FSHR: variants seen among roughly 807,000 people sequenced by gnomAD.
FSHR encodes the protein follicle stimulating hormone receptor.
A neutral mutation model predicts 52.1 loss-of-function variants in FSHR; 46 were observed. The observed-to-expected ratio is 0.88, with a 90% confidence interval of 0.70 to 1.13. The LOEUF (loss-of-function observed/expected upper bound fraction) is 1.13. Among genes scored for constraint, FSHR ranks in the 50% most tolerant of loss-of-function variants. FSHR has a pLI of 0.00. For missense variants in FSHR, 964 were observed against 834.6 expected (o/e 1.16, Z -1.91); for synonymous variants, 399 against 309.6 (o/e 1.29, Z -3.03).
Position 49,151,853 on chromosome 2 carries a change from C to T in FSHR, c.152+2413G>A, listed in dbSNP as rs145379356. On this transcript the variant is annotated intron_variant, in intron 1 of 9. Coordinates refer to ENST00000406846, the MANE Select transcript of FSHR (RefSeq NM_000145.4). ...AAGGAAGCAAAAATAAAGGTAATTG[C>T]TCTCTCATTCTAACAGTATGTGAGT... Among the ~76,000 whole-genome samples the T allele has an allele frequency of 5.3e-3, 811 of 152,268 alleles. 4 individuals are homozygous for T. Among genetic ancestry groups the T allele is most frequent in the South Asian group, 0.018 (87 of 4,820 alleles).
chr2:49,122,627 G>T (rs544514017), intron 1 of FSHR, among the ~76,000 whole-genome samples: 2 of 152,148 alleles, frequency 1.3e-5, no homozygotes, highest in Admixed American at 6.5e-5. Context: ...TTTCCAATTT[G>T]TCTTGGACAC....
intron 1 of FSHR, among the ~76,000 whole-genome samples, chr2:49,118,246 C>G (rs1215057696): frequency 6.6e-6 from 1 of 152,002 alleles, no homozygotes; most frequent in African/African-American, 2.4e-5. Context: ...AGGAAAGGAG[C>G]AAGGAGGGGG....
At chr2:49,010,831 A>T (rs1335525801) in intron 4 of FSHR, among the ~76,000 whole-genome samples, 2 of 152,010 alleles carry the variant, frequency 1.3e-5, no homozygotes, top group Non-Finnish European at 2.9e-5. Context: ...TGTTTGTAGT[A>T]TTCTCTCATG....
intron 2 of FSHR, among the ~76,000 whole-genome samples, chr2:49,048,184 C>G (rs897778813): frequency 1.3e-5 from 2 of 152,044 alleles, no homozygotes; most frequent in Middle Eastern, 6.8e-3. Context: ...TCGTGGCCAG[C>G]CTGTATAGCT....
At chr2:49,084,634 T>C (rs1204211621) in intron 1 of FSHR, among the ~76,000 whole-genome samples, 1 of 152,140 alleles carries the variant, frequency 6.6e-6, no homozygotes, top group African/African-American at 2.4e-5. Context: ...AAGAATTCAG[T>C]AGACGCAATA....
Position 48,963,405 on chromosome 2 carries a change from C to T in FSHR, c.1416G>A (p.Thr472=), listed in dbSNP as rs576761459. 1.9e-5 allele frequency: 31 copies of T among 1,614,082 alleles called. No individual in the cohort carries two copies. In the South Asian group the frequency reaches 2.5e-4, roughly 13 times the overall value. The change falls in exon 10 of 10, where the codon ACG becomes ACA. Residue 472 remains threonine, a synonymous_variant. Transcript: ENST00000406846. ...AITLERWHTI[T]HAMQLDCKVQ... is the part of the protein sequence containing the mutation. ...CCTTGCAGTCCAGCTGCATGGCATG[C>T]GTGATGGTATGCCATCTTTCCAAGG...
intron 9 of FSHR, among the ~76,000 whole-genome samples, chr2:48,964,643 C>T (rs1049360515): frequency 6.6e-6 from 1 of 152,110 alleles, no homozygotes; most frequent in African/African-American, 2.4e-5. Context: ...TGAACAGTTT[C>T]CTAGTGAGTG....
chr2:49,056,904 T>A (rs72827300), intron 2 of FSHR, among the ~76,000 whole-genome samples: 10,583 of 152,074 alleles, frequency 0.07, 525 homozygotes, highest in Non-Finnish European at 0.1. Flanking sequence ...AACAGCACAT[T>A]TCTGAATAAT....
Position 48,983,118 on chromosome 2 carries a change from A to G in FSHR, c.573T>C (p.Asn191=), listed in dbSNP as rs748177242. ...CTTACAGCTCATCTAGTTGGGTTCCATTGAATGCACAGTTGTGTATTTCTT... is the reference window on the plus strand; with the variant it reads ...CTTACAGCTCATCTAGTTGGGTTCCGTTGAATGCACAGTTGTGTATTTCTT... ...GIQEIHNCAF[N]GTQLDELNLS... Residue 191 remains asparagine, a synonymous_variant, in exon 7 of 10, where the codon AAT becomes AAC. Transcript: ENST00000406846. 7.4e-6 allele frequency: 12 copies of G among 1,614,034 alleles called. No homozygotes were observed. The Admixed American group carries it at 1.2e-4, about 16-fold the overall frequency.
chr2:49,119,032 G>T (rs1271602315), intron 1 of FSHR, among the ~76,000 whole-genome samples: 1 of 152,176 alleles, frequency 6.6e-6, no homozygotes, highest in Non-Finnish European at 1.5e-5. Flanking sequence ...ACACCAACAG[G>T]ATCCAGGTCC....
At chr2:49,053,167 G>C (rs772079248) in intron 2 of FSHR, among the ~76,000 whole-genome samples, 2 of 152,066 alleles carry the variant, frequency 1.3e-5, no homozygotes, top group African/African-American at 2.4e-5. Context: ...TGAATTTTAT[G>C]TGGTTCATAT....
chr2:49,120,274 C>CA (rs905867195), intron 1 of FSHR, among the ~76,000 whole-genome samples: 33 of 151,292 alleles, frequency 2.2e-4, no homozygotes, highest in African/African-American at 7.5e-4. Context: ...CCATCTCAGA[C>CA]AAAAAAACAA....
At chr2:49,049,711 C>T (rs570122392) in intron 2 of FSHR, among the ~76,000 whole-genome samples, 11 of 151,990 alleles carry the variant, frequency 7.2e-5, no homozygotes, top group South Asian at 2.1e-4. Context: ...ATGGATAAAG[C>T]GTAAGTGACT....
intron 2 of FSHR, among the ~76,000 whole-genome samples, chr2:49,062,380 G>T (rs1288219886): frequency 6.6e-6 from 1 of 152,094 alleles, no homozygotes; most frequent in Non-Finnish European, 1.5e-5. Flanking sequence ...AAGGAAACTG[G>T]ATATCTATAT....
At chr2:49,089,786 AG>A (rs1410502083) in intron 1 of FSHR, among the ~76,000 whole-genome samples, 1 of 152,328 alleles carries the variant, frequency 6.6e-6, no homozygotes, top group Admixed American at 6.5e-5. Context: ...TCCTGTTAAA[AG>A]GGGTCTTTGC....
chr2:49,027,026 T>A (rs1367728657), intron 2 of FSHR, among the ~76,000 whole-genome samples: 1 of 152,160 alleles, frequency 6.6e-6, no homozygotes, highest in Non-Finnish European at 1.5e-5. Context: ...TCTTTTCCTC[T>A]CCAAACTCTC....
At chr2:49,042,480 G>A (rs1172121510) in intron 2 of FSHR, among the ~76,000 whole-genome samples, 1 of 152,202 alleles carries the variant, frequency 6.6e-6, no homozygotes, top group South Asian at 2.1e-4. Context: ...TTTGACAAAG[G>A]TGGGAGTCAA....
chr2:49,007,280 C>T (rs1667106606), intron 4 of FSHR, among the ~76,000 whole-genome samples: 1 of 152,090 alleles, frequency 6.6e-6, no homozygotes, highest in Non-Finnish European at 1.5e-5. Flanking sequence ...GCCCTATAAC[C>T]AAGTACTATA....
chr2:49,087,418 C>T (rs1670441459), intron 1 of FSHR, among the ~76,000 whole-genome samples: 1 of 152,142 alleles, frequency 6.6e-6, no homozygotes, highest in Non-Finnish European at 1.5e-5. Context: ...AGAGAGCATT[C>T]ACTTGTTCTT....
Sources: gnomAD v4.1 joint callset for allele counts (sites outside exome capture counted in the v4.1 genomes callset) on GRCh38, gnomAD v4.1.1 for gene constraint, MANE v1.5 for transcripts, NCBI Gene and HGNC (gene_info 2026-07-23, HGNC 2026-07-21) for gene names.